COX7A2L: variants seen among roughly 807,000 people sequenced by gnomAD.
COX7A2L encodes the protein cytochrome c oxidase subunit 7A2-like, mitochondrial.
A neutral mutation model predicts 14.2 loss-of-function variants in COX7A2L; 18 were observed. That is an observed-to-expected ratio of 1.27 (90% CI 0.88 to 1.88). The LOEUF is 1.88. Among genes scored for constraint, COX7A2L ranks in the 40% most tolerant of loss-of-function variants. COX7A2L has a pLI of 0.00. For missense variants in COX7A2L, 179 were observed against 138.8 expected (o/e 1.29, Z -1.46); for synonymous variants, 65 against 57.4 (o/e 1.13, Z -0.60).
At chr2:42,367,668 C>T (rs967667957) in intron 1 of COX7A2L, among the ~76,000 whole-genome samples, 3 of 152,228 alleles carry the variant, frequency 2.0e-5, no homozygotes, top group Non-Finnish European at 4.4e-5. Flanking sequence ...ACACGCCTGC[C>T]GTTAGCATGG....
downstream of COX7A2L, among the ~76,000 whole-genome samples, chr2:42,347,145 G>A (rs75506635): frequency 2.1e-3 from 316 of 152,252 alleles, 3 homozygotes; most frequent in Non-Finnish European, 3.6e-3. Flanking sequence ...GATTATAGGC[G>A]TGAGCCATGG....
intron 2 of COX7A2L, among the ~76,000 whole-genome samples, chr2:42,352,002 G>C (rs946712411): frequency 1.3e-5 from 2 of 152,124 alleles, no homozygotes; most frequent in East Asian, 3.8e-4. Flanking sequence ...AAAAAGAGGT[G>C]CTGGCACGAG....
rs1452329490 is a variant in COX7A2L, at chr2:42,339,902, C to A, written c.193-6033G>T. ...GTCCACCTTCCTCTGTTCACACAACCCGTGAACCTCGCTGCTCTCTTCCTC... is the reference window on the plus strand; with the variant it reads ...GTCCACCTTCCTCTGTTCACACAACACGTGAACCTCGCTGCTCTCTTCCTC... On this transcript the variant is annotated intron_variant, in intron 2 of 2. Transcript: ENST00000468711. The surrounding 1 kb of genome is among the most constrained non-coding windows in gnomAD (Gnocchi z 5.4). Among the ~76,000 whole-genome samples the A allele has an allele frequency of 6.6e-6, 1 of 152,144 alleles. No homozygotes were observed. Among genetic ancestry groups the A allele is most frequent in the Non-Finnish European group, 1.5e-5 (1 of 68,026 alleles).
intron 2 of COX7A2L, 79 bp from the exon 3 acceptor site, chr2:42,351,438 G>T: frequency 6.6e-7 from 1 of 1,520,050 alleles, no homozygotes; most frequent in Non-Finnish European, 9.0e-7. Context: ...TAACAAATTT[G>T]TCTACTCGGT....
chr2:42,360,255 C>A (rs1670979251), intron 1 of COX7A2L, among the ~76,000 whole-genome samples: 1 of 152,208 alleles, frequency 6.6e-6, no homozygotes, highest in Non-Finnish European at 1.5e-5. Flanking sequence ...GAACCAACCA[C>A]CTGCCCAAAC....
At chr2:42,348,876 T>TGCTCTC (rs1670553217), downstream of COX7A2L, among the ~76,000 whole-genome samples, 1 of 151,826 alleles carries the variant, frequency 6.6e-6, no homozygotes, top group Non-Finnish European at 1.5e-5. Context: ...CAAGATCACG[T>TGCTCTC]CACTGCTCTC....
intron 1 of COX7A2L, among the ~76,000 whole-genome samples, chr2:42,357,091 C>T (rs532112790): frequency 2.0e-5 from 3 of 152,274 alleles, no homozygotes; most frequent in East Asian, 1.9e-4. Flanking sequence ...ATTTCAATTG[C>T]TCCAAATTTT....
intron 2 of COX7A2L, among the ~76,000 whole-genome samples, chr2:42,340,255 G>A (rs1670374895): frequency 6.6e-6 from 1 of 152,112 alleles, no homozygotes; most frequent in South Asian, 2.1e-4. Context: ...CCCTCTCCAG[G>A]GACGGGCAGT....
At chr2:42,335,915 G>C (rs1305444675) in intron 2 of COX7A2L, among the ~76,000 whole-genome samples, 1 of 152,238 alleles carries the variant, frequency 6.6e-6, no homozygotes, top group African/African-American at 2.4e-5. Flanking sequence ...TACAACCACA[G>C]CATGGGGCAG....
At chr2:42,337,667 C>A (rs1217788075) in intron 2 of COX7A2L, among the ~76,000 whole-genome samples, 3 of 152,132 alleles carry the variant, frequency 2.0e-5, no homozygotes, top group Non-Finnish European at 2.9e-5. Flanking sequence ...AACGTAAGAT[C>A]TCACCACTGG....
chr2:42,366,768 A>T (rs2103923134), intron 1 of COX7A2L, among the ~76,000 whole-genome samples: 2 of 152,362 alleles, frequency 1.3e-5, no homozygotes, highest in Middle Eastern at 6.8e-3. Flanking sequence ...TTAGCTGGTT[A>T]TAAGAAAAAT....
At position 42,341,222 on chromosome 2, in the gene COX7A2L, G is replaced by A. The variant is rs559967549; in HGVS notation, c.193-7353C>T. On this transcript the variant is annotated intron_variant, in intron 2 of 2. Coordinates refer to the COX7A2L transcript ENST00000468711. ...CAGGAGCGTGGAATGCTGGCCCTCA[G>A]GAGACTGAGGCTGCAGACAGGCCCT... 5.3e-5 allele frequency among the ~76,000 whole-genome samples: 8 copies of A among 152,246 alleles called. No homozygotes were observed. The South Asian group carries it at 1.2e-3, about 24-fold the overall frequency.
chr2:42,359,254 G>A (rs1341391539), intron 1 of COX7A2L: 7 of 152,188 alleles, frequency 4.6e-5, no homozygotes, highest in Non-Finnish European at 1.0e-4. Flanking sequence ...CTGGGTCAGA[G>A]CTGGTTCCAT....
downstream of COX7A2L, chr2:42,349,299 A>C (rs1459733041): frequency 6.6e-6 from 1 of 152,194 alleles, no homozygotes; most frequent in Non-Finnish European, 1.5e-5. Context: ...ATGCCACAAC[A>C]TGGATGAGCC....
intron 1 of COX7A2L, among the ~76,000 whole-genome samples, chr2:42,358,549 G>A (rs1051234079): frequency 6.6e-5 from 10 of 152,204 alleles, no homozygotes; most frequent in African/African-American, 2.2e-4. Flanking sequence ...AGTTGGGAGG[G>A]CACCTGTCAC....
chr2:42,357,946 C>A (rs1440169664), intron 1 of COX7A2L, among the ~76,000 whole-genome samples: 1 of 152,158 alleles, frequency 6.6e-6, no homozygotes. Flanking sequence ...TCCTCCAGAC[C>A]CCCTCCCTTC....
intron 2 of COX7A2L, among the ~76,000 whole-genome samples, chr2:42,351,886 G>C (rs1256935313): frequency 6.6e-6 from 1 of 152,188 alleles, no homozygotes; most frequent in Non-Finnish European, 1.5e-5. Context: ...GGGAAGCTGA[G>C]GTGGGAGGAT....
upstream of COX7A2L, chr2:42,365,561 A>C (rs1558638971): frequency 6.6e-6 from 1 of 152,096 alleles, no homozygotes; most frequent in East Asian, 1.9e-4. Context: ...CAAGAGGCAG[A>C]GGTTGCAGTG....
In COX7A2L at chr2:42,353,287, A is replaced by C. The variant is rs1429356239; in HGVS notation, c.129T>G (p.Thr43=). 2.5e-6 allele frequency: 4 copies of C among 1,614,014 alleles called. No homozygotes were observed. Among genetic ancestry groups the C allele is most frequent in the African/African-American group, 1.3e-5 (1 of 74,900 alleles). ...EAPPIIFATP[T]KLTSDSTVYD... is the part of the protein sequence containing the mutation. The stretch of plus-strand genomic sequence containing the variant: ...ACACTGTGGAATCGGAGGTCAGTTT[A>C]GTTGGTGTGGCAAATATGATAGGTG... Residue 43 remains threonine (T), a synonymous_variant, in exon 2 of 3, where the codon ACT becomes ACG. Coordinates refer to ENST00000234301, the MANE Select transcript of COX7A2L (RefSeq NM_004718.4).
Sources: allele counts gnomAD v4.1 joint callset (sites outside exome capture counted in the v4.1 genomes callset), GRCh38; gene constraint gnomAD v4.1.1; non-coding constraint Gnocchi (gnomAD v3.1); transcripts MANE v1.5; gene names NCBI Gene and HGNC (gene_info 2026-07-23, HGNC 2026-07-21).